NONO: variants seen among roughly 807,000 people sequenced by gnomAD.
NONO encodes the protein non-POU domain containing octamer binding, also known as non-POU domain-containing octamer-binding protein.
In NONO, 6 loss-of-function variants were observed where a neutral mutation model predicts 40.2. The ratio of observed to expected loss-of-function variants is 0.15; its 90% confidence interval spans 0.08 to 0.29. NONO has a LOEUF of 0.29. Among genes scored for constraint, NONO ranks in the 10% least tolerant of loss-of-function variants. NONO has a pLI of 1.00. For synonymous variants in NONO, 89 were observed against 123.3 expected, an observed-to-expected ratio of 0.72 and a Z score of 1.85; for missense variants, 133 against 397.8, an observed-to-expected ratio of 0.33 and a Z score of 5.66.
At chrX:71,297,273 C>T in intron 7 of NONO, 104 bp from the exon 8 acceptor site, 2 of 832,384 alleles carry the variant, frequency 2.4e-6, no homozygotes, top group South Asian at 5.0e-5. Flanking sequence ...ACAGGTGGTT[C>T]CAAAGGAATT....
intron 5 of NONO, among the ~76,000 whole-genome samples, chrX:71,295,196 T>TG (rs1455343555): frequency 3.8e-4 from 35 of 91,049 alleles, no homozygotes; most frequent in Middle Eastern, 0.014. Flanking sequence ...CACTCCAGCC[T>TG]GGCGATAGAG....
intron 11 of NONO, 136 bp downstream of exon 11, chrX:71,298,952 C>T (rs1052567329): frequency 1.7e-5 from 8 of 475,538 alleles, no homozygotes; most frequent in African/African-American, 1.2e-4. Flanking sequence ...ACAGAGTTTC[C>T]CTCTTGTTGC....
At chrX:71,296,814 C>G (rs778723584) in intron 6 of NONO, 37 bp from the exon 7 acceptor site, 1 of 1,167,688 alleles carries the variant, frequency 8.6e-7, no homozygotes, top group South Asian at 1.9e-5. Flanking sequence ...TGGGGTAATT[C>G]TGGACAAAGT....
rs935262091 is a variant in NONO, at chrX:71,298,934, T to A, written c.1281+118T>A. On this transcript the variant is annotated intron_variant, in intron 11 of 11. Coordinates refer to ENST00000276079, the MANE Select transcript of NONO (RefSeq NM_007363.5). Reference sequence around the variant, plus strand: ...TTGCTATAGATAGCAGTCTTTTTTTTTTTGGAGACAGAGTTTCCCTCTTGT... The same window carrying A: ...TTGCTATAGATAGCAGTCTTTTTTTATTTGGAGACAGAGTTTCCCTCTTGT... 7.5e-5 allele frequency: 39 copies of A among 517,317 alleles called. No individual in the cohort carries two copies. The African/African-American group carries it at 8.3e-4, about 11-fold the overall frequency. 42.6% of individuals were successfully genotyped at this position (517,317 alleles called of 1,213,427 possible). A position where few individuals can be genotyped will look rare whatever the true frequency, so the allele number is the denominator to read the frequency against.
Position 71,294,029 on chromosome X carries a change from AT to A in NONO, c.349-195del, listed in dbSNP as rs1468934138. Reference sequence around the variant, plus strand: ...TTATTGACTTCTAGAACTACATGTGATTTATTGCAAGGCCATCAGAAGCAAA... The same window carrying A: ...TTATTGACTTCTAGAACTACATGTGATTATTGCAAGGCCATCAGAAGCAAA... On this transcript the variant is annotated intron_variant, in intron 4 of 11. Coordinates refer to ENST00000276079, the MANE Select transcript of NONO (RefSeq NM_007363.5). 2.1e-5 allele frequency: 9 copies of A among 435,223 alleles called. No homozygotes were observed. In the African/African-American group the frequency reaches 2.2e-4, roughly 11 times the overall value. 35.9% of individuals were successfully genotyped at this position (435,223 alleles called of 1,213,427 possible).
intron 3 of NONO, 124 bp from the exon 4 acceptor site, chrX:71,291,655 A>C: frequency 1.9e-6 from 1 of 538,265 alleles, no homozygotes; most frequent in Non-Finnish European, 2.8e-6. Flanking sequence ...TTGCCTTGGG[A>C]AATGGTGTTT....
chrX:71,287,818 G>A (rs1261600153), intron 2 of NONO, among the ~76,000 whole-genome samples: 1 of 108,094 alleles, frequency 9.3e-6, no homozygotes, highest in Non-Finnish European at 1.9e-5. Flanking sequence ...CAAGTAGCTG[G>A]GACTACAGGC....
rs1354512288 is a variant in NONO at position 71,300,666 on chromosome X, A to G, written c.*590A>G. On this transcript the variant is annotated 3_prime_UTR_variant, in exon 12 of 12. Transcript: ENST00000276079. ...CCCAGCCCCAGAGAAACTGCCACAT[A>G]CACCACAAAAACCAAACATCCCCCA... The G allele has an allele frequency of 5.5e-6, 1 of 182,761 alleles. No individual in the cohort carries two copies. The highest frequency in any genetic ancestry group is 8.0e-5 in the East Asian group (1 of 12,521). 15.1% of individuals were successfully genotyped at this position (182,761 alleles called of 1,213,427 possible).
At chrX:71,297,530 C>A (rs900457981) in intron 8 of NONO, 69 bp downstream of exon 8, 2 of 756,745 alleles carry the variant, frequency 2.6e-6, no homozygotes, top group Non-Finnish European at 3.9e-6. Flanking sequence ...TTTCCTACTG[C>A]CATGCTACCT....
chrX:71,283,880 C>G (rs942975528), intron 1 of NONO, 159 bp downstream of exon 1: 14 of 112,140 alleles, frequency 1.2e-4, no homozygotes, highest in African/African-American at 4.5e-4. Context: ...GCCTTCTCAG[C>G]CCACCCGCGG....
In NONO at chrX:71,300,797, A is replaced by G. The variant is rs2031570263; in HGVS notation, c.*721A>G. On this transcript the variant is annotated 3_prime_UTR_variant, in exon 12 of 12. Transcript: ENST00000276079. ...ACGGTTCTGTTATACCCCATATATT[A>G]CCCCTTCATGTCCTAAAGAAGACAT... 6.0e-6 allele frequency: 1 copy of G among 165,882 alleles called. No homozygotes were observed. The highest frequency in any genetic ancestry group is 3.0e-5 in the African/African-American group (1 of 32,945). 13.7% of individuals were successfully genotyped at this position (165,882 alleles called of 1,213,427 possible).
chrX:71,296,287 A>G (rs1301141713), intron 5 of NONO, among the ~76,000 whole-genome samples: 1 of 109,279 alleles, frequency 9.2e-6, no homozygotes, highest in Admixed American at 9.8e-5. Flanking sequence ...CTGGGATTAC[A>G]GACGTCCGTA....
chrX:71,294,835 C>T (rs541960778), intron 5 of NONO, among the ~76,000 whole-genome samples: 2 of 111,574 alleles, frequency 1.8e-5, no homozygotes, highest in African/African-American at 6.5e-5. Context: ...AGGAGAATCG[C>T]TTGAACCCAG....
rs2031476525 is a variant in NONO, at chrX:71,297,370, T to G, written c.944-7T>G. 8.6e-7 allele frequency: 1 copy of G among 1,168,619 alleles called. No individual in the cohort carries two copies. The highest frequency in any genetic ancestry group is 1.8e-5 in the African/African-American group (1 of 55,837). On this transcript the variant is annotated splice_region_variant and splice_polypyrimidine_tract_variant and intron_variant, in intron 7 of 11. Transcript: ENST00000276079. ...TGAGGAATATTCTTAGTCTGTTGTT[T>G]TTTTAGATTTGATGAGGCGCCAAGA...
At chrX:71,295,313 C>T (rs769473745) in intron 5 of NONO, among the ~76,000 whole-genome samples, 1 of 109,569 alleles carries the variant, frequency 9.1e-6, no homozygotes, top group African/African-American at 3.3e-5. Context: ...GGTGAAACCC[C>T]GTCTCTACTA....
intron 9 of NONO, 55 bp downstream of exon 9, chrX:71,297,993 G>T (rs2031490055): frequency 2.5e-6 from 2 of 811,134 alleles, no homozygotes; most frequent in Admixed American, 5.0e-5. Context: ...AACTCACCAT[G>T]AATTGTCTGC....
chrX:71,300,083 G>C lies in NONO; in HGVS notation c.*7G>C, dbSNP rs2148042268. 15 of 1,209,818 alleles carry C rather than the reference G, an allele frequency of 1.2e-5. No individual in the cohort carries two copies. Among genetic ancestry groups the C allele is most frequent in the Non-Finnish European group, 1.7e-5 (15 of 894,735 alleles). ...CAAACGTCGCCGATACTAATAAGTT[G>C]CAGTGTCTAGTTTCTCAAAACCCTT... On this transcript the variant is annotated 3_prime_UTR_variant, in exon 12 of 12. Transcript: ENST00000276079.
intron 2 of NONO, among the ~76,000 whole-genome samples, chrX:71,289,250 GTTGTTT>G (rs2148030647): frequency 9.0e-6 from 1 of 111,094 alleles, no homozygotes; most frequent in Admixed American, 9.6e-5. Context: ...CTGATGCCTC[GTTGTTT>G]TTAATTTTAT....
At position 71,300,439 on chromosome X, in the gene NONO, CG is replaced by C; in HGVS notation, c.*365del. The C allele has an allele frequency of 3.8e-6, 1 of 264,022 alleles. No homozygotes were observed. The highest frequency in any genetic ancestry group is 6.9e-5 in the East Asian group (1 of 14,489). The allele number at this position is 264,022 out of a possible 1,213,427, so 21.8% of individuals were successfully genotyped here. On this transcript the variant is annotated 3_prime_UTR_variant, in exon 12 of 12. Coordinates refer to ENST00000276079, the MANE Select transcript of NONO (RefSeq NM_007363.5). ...TCATTTGCTTGCCCCGCCCCCGAGA[CG>C]GAGTCTTACTCTGTCGCCCAGGCTG...
Sources: allele counts gnomAD v4.1 joint callset (sites outside exome capture counted in the v4.1 genomes callset), GRCh38; gene constraint gnomAD v4.1.1; transcripts MANE v1.5; gene names NCBI Gene and HGNC (gene_info 2026-07-23, HGNC 2026-07-21).